Variants in RGS5 observed in about 807,000 individuals in gnomAD.
The protein encoded by RGS5 is regulator of G-protein signalling 5.
Under a neutral mutation model 18.9 loss-of-function variants are expected in RGS5, and 20 were observed. That is an observed-to-expected ratio of 1.06 (90% CI 0.74 to 1.54). RGS5 has a LOEUF of 1.54. Ranked by LOEUF, RGS5 falls within the 40% of genes most tolerant of loss-of-function variation. The pLI is 0.00. For missense variants in RGS5, 201 were observed against 211.8 expected (o/e 0.95, Z 0.32); for synonymous variants, 57 against 76.2 (o/e 0.75, Z 1.31).
At chr1:163,191,348 A>G (rs1262920421) in intron 1 of RGS5, among the ~76,000 whole-genome samples, 1 of 152,152 alleles carries the variant, frequency 6.6e-6, no homozygotes, top group Non-Finnish European at 1.5e-5. Context: ...TGCTATAAAA[A>G]AAAAAAGATA....
chr1:163,204,279 T>C (rs1187416102), upstream of RGS5, among the ~76,000 whole-genome samples: 3 of 150,722 alleles, frequency 2.0e-5, no homozygotes, highest in Non-Finnish European at 4.4e-5. Flanking sequence ...TGGATCATAA[T>C]CAAAAAAGTT....
intron 2 of RGS5, among the ~76,000 whole-genome samples, chr1:163,277,242 C>T (rs1342084973): frequency 6.6e-6 from 1 of 152,178 alleles, no homozygotes; most frequent in Non-Finnish European, 1.5e-5. Flanking sequence ...AGTTGTCCCA[C>T]CTTTCCAGAG....
At chr1:163,275,935 A>G (rs1326141651) in intron 2 of RGS5, among the ~76,000 whole-genome samples, 1 of 152,164 alleles carries the variant, frequency 6.6e-6, no homozygotes, top group Non-Finnish European at 1.5e-5. Flanking sequence ...CCAAATCAAG[A>G]ATGGGTACAC....
At chr1:163,292,977 C>T (rs745532511) in intron 2 of RGS5, among the ~76,000 whole-genome samples, 1 of 152,178 alleles carries the variant, frequency 6.6e-6, no homozygotes, top group East Asian at 1.9e-4. Context: ...TGTCTGTTTA[C>T]TCTGTTGATA....
intron 1 of RGS5, among the ~76,000 whole-genome samples, chr1:163,170,115 T>C (rs1250085262): frequency 6.6e-6 from 1 of 152,128 alleles, no homozygotes; most frequent in Non-Finnish European, 1.5e-5. Flanking sequence ...ATAGGACAAG[T>C]TGTTGAATAT....
chr1:163,246,894 A>G (rs1481749476), intron 2 of RGS5, among the ~76,000 whole-genome samples: 1 of 152,240 alleles, frequency 6.6e-6, no homozygotes, highest in Non-Finnish European at 1.5e-5. Flanking sequence ...ATGGAGTACT[A>G]TATAGCCATA....
At chr1:163,234,607 T>C (rs1225329891) in intron 2 of RGS5, among the ~76,000 whole-genome samples, 1 of 152,244 alleles carries the variant, frequency 6.6e-6, no homozygotes, top group Non-Finnish European at 1.5e-5. Flanking sequence ...ATAAAGATCA[T>C]AGAATGTGTT....
intron 2 of RGS5, among the ~76,000 whole-genome samples, chr1:163,255,577 T>C (rs12076541): frequency 0.03 from 4,446 of 150,354 alleles, 91 homozygotes; most frequent in African/African-American, 0.055. Context: ...TTCCAATCAA[T>C]AGAAAAAGAG....
intron 2 of RGS5, among the ~76,000 whole-genome samples, chr1:163,287,603 C>T (rs77645161): frequency 3.9e-4 from 60 of 152,320 alleles, no homozygotes; most frequent in African/African-American, 1.4e-3. Context: ...CTGAGATAAA[C>T]TTATTAGTCC....
At chr1:163,171,986 G>A (rs1658320892) in intron 1 of RGS5, among the ~76,000 whole-genome samples, 2 of 152,160 alleles carry the variant, frequency 1.3e-5, no homozygotes, top group Non-Finnish European at 2.9e-5. Context: ...GGCAAATGTG[G>A]AACTAGAGAA....
At chr1:163,196,393 T>C (rs1278946723) in intron 1 of RGS5, among the ~76,000 whole-genome samples, 1 of 152,162 alleles carries the variant, frequency 6.6e-6, no homozygotes, top group African/African-American at 2.4e-5. Flanking sequence ...CTAGATATCA[T>C]CTATCCCGTA....
At chr1:163,250,391 G>A (rs1340382626) in intron 2 of RGS5, among the ~76,000 whole-genome samples, 1 of 152,200 alleles carries the variant, frequency 6.6e-6, no homozygotes, top group Non-Finnish European at 1.5e-5. Flanking sequence ...TATGAATATT[G>A]TCTCAAATGT....
chr1:163,219,827 G>A (rs930969269), upstream of RGS5, among the ~76,000 whole-genome samples: 1 of 152,052 alleles, frequency 6.6e-6, no homozygotes, highest in Non-Finnish European at 1.5e-5. Context: ...TCATTACATT[G>A]TTGATAAGCA....
At chr1:163,244,139 T>G (rs1647870658) in intron 2 of RGS5, among the ~76,000 whole-genome samples, 1 of 152,240 alleles carries the variant, frequency 6.6e-6, no homozygotes, top group Non-Finnish European at 1.5e-5. Context: ...GTACTTCAAG[T>G]CAATGAGTAA....
chr1:163,172,952 T>C (rs542612654), intron 1 of RGS5, among the ~76,000 whole-genome samples: 1 of 152,256 alleles, frequency 6.6e-6, no homozygotes, highest in South Asian at 2.1e-4. Context: ...TACCATAGCC[T>C]CACAGACATA....
intron 2 of RGS5, among the ~76,000 whole-genome samples, chr1:163,304,039 C>T (rs950312603): frequency 3.3e-5 from 5 of 152,072 alleles, no homozygotes; most frequent in African/African-American, 7.2e-5. Flanking sequence ...GTTGGAAACC[C>T]GCTGGTCTAC....
intron 1 of RGS5, among the ~76,000 whole-genome samples, chr1:163,317,669 A>T (rs1650063503): frequency 2.0e-5 from 3 of 152,170 alleles, no homozygotes; most frequent in South Asian, 4.1e-4. Context: ...TTGTGACATC[A>T]TCACTAATGT....
At chr1:163,286,895 T>C (rs750101166) in intron 2 of RGS5, among the ~76,000 whole-genome samples, 1 of 152,190 alleles carries the variant, frequency 6.6e-6, no homozygotes, top group Non-Finnish European at 1.5e-5. Context: ...AGAGTAATTA[T>C]ACATATTCCC....
chr1:163,230,915 T>C (rs996127868), intron 2 of RGS5, among the ~76,000 whole-genome samples: 61 of 152,330 alleles, frequency 4.0e-4, no homozygotes, highest in Non-Finnish European at 8.1e-4. Context: ...AGAGACACAT[T>C]ACAAAAAATT....
Sources: allele counts gnomAD v4.1 joint callset (sites outside exome capture counted in the v4.1 genomes callset), GRCh38; gene constraint gnomAD v4.1.1; transcripts MANE v1.5; gene names NCBI Gene and HGNC (gene_info 2026-07-23, HGNC 2026-07-21).